BCAT1: variants seen among roughly 807,000 people sequenced by gnomAD.
BCAT1 encodes the protein branched-chain-amino-acid aminotransferase, cytosolic.
Under a neutral mutation model 52.4 loss-of-function variants are expected in BCAT1, and 48 were observed. That is an observed-to-expected ratio of 0.92 (90% confidence interval 0.73 to 1.16). BCAT1 has a LOEUF of 1.16. BCAT1 is among the 50% of genes most tolerant of loss of function. The pLI, the probability that BCAT1 is intolerant of heterozygous loss-of-function variation, is 0.00. For synonymous variants in BCAT1, 167 were observed against 161.3 expected, an observed-to-expected ratio of 1.04 and a Z score of -0.27; for missense variants, 451 against 457.1, an observed-to-expected ratio of 0.99 and a Z score of 0.12.
intron 3 of BCAT1, among the ~76,000 whole-genome samples, chr12:24,891,894 G>T (rs943961068): frequency 6.7e-5 from 10 of 148,996 alleles, no homozygotes; most frequent in Non-Finnish European, 1.3e-4. Context: ...GACTACAGGC[G>T]CCTGCCACCA....
At chr12:24,888,306 C>T (rs1942740510) in intron 3 of BCAT1, among the ~76,000 whole-genome samples, 1 of 152,116 alleles carries the variant, frequency 6.6e-6, no homozygotes, top group Non-Finnish European at 1.5e-5. Flanking sequence ...TGAGACTAGC[C>T]TGGCCAACAT....
intron 5 of BCAT1, among the ~76,000 whole-genome samples, chr12:24,861,502 G>A (rs118115739): frequency 2.3e-4 from 35 of 152,226 alleles, no homozygotes; most frequent in Non-Finnish European, 4.4e-4. Context: ...GTGAGAACTC[G>A]GGAGTTAGGA....
chr12:24,824,272 C>CAT (rs1477491998), intron 10 of BCAT1, among the ~76,000 whole-genome samples: 18 of 124,670 alleles, frequency 1.4e-4, no homozygotes, highest in African/African-American at 5.2e-4. Flanking sequence ...CCTTCATTCC[C>CAT]TCCCTCCCTC....
chr12:24,892,048 C>A (rs1382584601), intron 3 of BCAT1, among the ~76,000 whole-genome samples: 1 of 144,994 alleles, frequency 6.9e-6, no homozygotes, highest in Admixed American at 6.9e-5. Flanking sequence ...TGAGCCACCT[C>A]GCCTGGCCGT....
intron 1 of BCAT1, among the ~76,000 whole-genome samples, chr12:24,941,031 A>G (rs1158834186): frequency 6.6e-6 from 1 of 152,250 alleles, no homozygotes. Context: ...GAATTGGTTA[A>G]GATTCCCAAA....
chr12:24,841,753 A>G (rs1365431701), intron 7 of BCAT1, among the ~76,000 whole-genome samples: 1 of 151,878 alleles, frequency 6.6e-6, no homozygotes, highest in Non-Finnish European at 1.5e-5. Context: ...AAAAAAAAAT[A>G]CAAAAATTAG....
chr12:24,908,458 C>T (rs921570475), intron 1 of BCAT1, among the ~76,000 whole-genome samples: 1 of 152,128 alleles, frequency 6.6e-6, no homozygotes, highest in Non-Finnish European at 1.5e-5. Context: ...ATAGCTGGGC[C>T]GGGCATGGTG....
At chr12:24,836,636 C>T (rs1482118050) in intron 7 of BCAT1, 40 bp from the exon 8 acceptor site, 1 of 1,499,910 alleles carries the variant, frequency 6.7e-7, no homozygotes, top group Non-Finnish European at 9.2e-7. Context: ...ACTTTCACTA[C>T]ATTAGGCATG....
chr12:24,844,365 A>G (rs1416451515), intron 6 of BCAT1, among the ~76,000 whole-genome samples: 1 of 152,016 alleles, frequency 6.6e-6, no homozygotes, highest in Non-Finnish European at 1.5e-5. Flanking sequence ...CGGGAGGCGG[A>G]GGTTGCAGTG....
chr12:24,810,430 T>G lies in BCAT1; in HGVS notation c.*7578A>C, dbSNP rs1338970959. The G allele has an allele frequency of 6.6e-6, 1 of 152,224 alleles. No homozygotes were observed. Among genetic ancestry groups the G allele is most frequent in the African/African-American group, 2.4e-5 (1 of 41,460 alleles). 9.4% of individuals were successfully genotyped at this position (152,224 alleles called of 1,614,324 possible). ...AATTTGAAATATCCCCTTTTCTTTTTGTTTTGTACTAAATCAATGTAGAAA... is the reference window on the plus strand; with the variant it reads ...AATTTGAAATATCCCCTTTTCTTTTGGTTTTGTACTAAATCAATGTAGAAA... On this transcript the variant is annotated 3_prime_UTR_variant, in exon 11 of 11. Coordinates refer to ENST00000261192, the MANE Select transcript of BCAT1 (RefSeq NM_005504.7).
chr12:24,871,275 G>C (rs1309066241), intron 5 of BCAT1, among the ~76,000 whole-genome samples: 6 of 152,184 alleles, frequency 3.9e-5, no homozygotes, highest in Non-Finnish European at 8.8e-5. Flanking sequence ...TGATTTTCCA[G>C]CTGTTCACTG....
intron 1 of BCAT1, among the ~76,000 whole-genome samples, chr12:24,917,801 G>A (rs778764516): frequency 3.9e-5 from 6 of 152,216 alleles, no homozygotes; most frequent in Non-Finnish European, 7.3e-5. Context: ...CTGACAGAGA[G>A]AGGGAACTTC....
intron 5 of BCAT1, among the ~76,000 whole-genome samples, chr12:24,858,225 T>A (rs747573428): frequency 6.6e-6 from 1 of 152,188 alleles, no homozygotes; most frequent in African/African-American, 2.4e-5. Context: ...CTTCTGTCTG[T>A]GTATTTTTGT....
intron 2 of BCAT1, among the ~76,000 whole-genome samples, chr12:24,897,117 T>C (rs1396522030): frequency 2.0e-5 from 3 of 152,164 alleles, no homozygotes; most frequent in Non-Finnish European, 2.9e-5. Flanking sequence ...ACGACAAACT[T>C]AATGCAAATT....
In BCAT1 at chr12:24,814,690, C is replaced by T. The variant is rs1939808362; in HGVS notation, c.*3318G>A. ...AAACTAATATGGTGAAGAATTTTAA[C>T]CCAAGGTGTAACTTAGGTTTCCCAT... is the stretch of plus-strand genomic sequence containing the variant. On this transcript the variant is annotated 3_prime_UTR_variant, in exon 11 of 11. Coordinates refer to ENST00000261192, the MANE Select transcript of BCAT1 (RefSeq NM_005504.7). The T allele has an allele frequency of 6.6e-6, 1 of 151,924 alleles. No individual in the cohort carries two copies. The highest frequency in any genetic ancestry group is 1.5e-5 in the Non-Finnish European group (1 of 67,974). 9.4% of individuals were successfully genotyped at this position (151,924 alleles called of 1,614,324 possible).
chr12:24,864,060 C>T (rs945264911), intron 5 of BCAT1, among the ~76,000 whole-genome samples: 3 of 152,116 alleles, frequency 2.0e-5, no homozygotes, highest in African/African-American at 7.2e-5. Flanking sequence ...TATGAATTGT[C>T]TATGGCTGCT....
chr12:24,843,724 G>A (rs1449112696), intron 6 of BCAT1, among the ~76,000 whole-genome samples: 1 of 151,942 alleles, frequency 6.6e-6, no homozygotes, highest in Non-Finnish European at 1.5e-5. Flanking sequence ...CATTCTGCTT[G>A]GACTGATAAT....
At chr12:24,825,580 C>T (rs7970244) in intron 10 of BCAT1, among the ~76,000 whole-genome samples, 90,719 of 151,810 alleles carry the variant, frequency 0.6, 27,735 homozygotes, top group East Asian at 0.83. Flanking sequence ...TCATGTACCT[C>T]CTGGCCATTT....
chr12:24,848,413 T>A (rs867815344), intron 6 of BCAT1, among the ~76,000 whole-genome samples: 1 of 152,226 alleles, frequency 6.6e-6, no homozygotes, highest in African/African-American at 2.4e-5. Context: ...TGGCCTACAG[T>A]GATCATGTAT....
Sources: gnomAD v4.1 joint callset for allele counts (sites outside exome capture counted in the v4.1 genomes callset) on GRCh38, gnomAD v4.1.1 for gene constraint, MANE v1.5 for transcripts, NCBI Gene and HGNC (gene_info 2026-07-23, HGNC 2026-07-21) for gene names.